The following ANK2 variants were observed in gnomAD, a reference collection of about 807,000 sequenced individuals.
ANK2 encodes the protein ankyrin-2.
A neutral mutation model predicts 360.5 loss-of-function variants in ANK2; 83 were observed. That is an observed-to-expected ratio of 0.23 (90% confidence interval 0.19 to 0.28). ANK2 has a LOEUF of 0.28. ANK2 is among the 10% of genes least tolerant of loss of function. The probability of loss-of-function intolerance (pLI) is 1.00; values close to 1 mark genes in which losing one functional copy is unlikely to be tolerated. For missense variants in ANK2, 4,201 were observed against 4,795.7 expected (o/e 0.88, Z 3.66); for synonymous variants, 1,740 against 1,759.5 (o/e 0.99, Z 0.28).
rs1375977442 is a variant in ANK2 at position 113,277,910 on chromosome 4, G to A, written c.1757G>A (p.Arg586His). The stretch of plus-strand genomic sequence containing the variant: ...GTGGCAAAACTTCTCTTGCAACGCC[G>A]TGCTGCCGCAGATTCTGCAGGGAAG... ...LDVAKLLLQR[R>H]AAADSAGKNG... The change falls in exon 16 of 46, where the codon CGT becomes CAT. Residue 586 changes from arginine (R) to histidine (H), a missense_variant. By Grantham distance (29) the Arg-to-His change is conservative (BLOSUM62 0). Coordinates refer to ENST00000357077, the MANE Select transcript of ANK2 (RefSeq NM_001148.6). 2.5e-6 allele frequency: 4 copies of A among 1,613,936 alleles called. No homozygotes were observed. Among genetic ancestry groups the A allele is most frequent in the Admixed American group, 1.7e-5 (1 of 60,020 alleles).
chr4:112,855,530 T>C (rs1284462276), intron 1 of ANK2, among the ~76,000 whole-genome samples: 1 of 152,202 alleles, frequency 6.6e-6, no homozygotes, highest in Non-Finnish European at 1.5e-5. Flanking sequence ...GAATACAGTC[T>C]TTTTCCCCCT....
chr4:112,878,062 C>T (rs960892963), intron 1 of ANK2, among the ~76,000 whole-genome samples: 1 of 152,094 alleles, frequency 6.6e-6, no homozygotes, highest in African/African-American at 2.4e-5. Flanking sequence ...GTTAGTCCCT[C>T]CAGGTTTACA....
the ANK2 span, among the ~76,000 whole-genome samples, chr4:112,807,494 CT>C: frequency 5.3e-5 from 8 of 152,214 alleles, no homozygotes; most frequent in African/African-American, 1.7e-4. Context: ...GGCAAAGGTT[CT>C]GGATGATGGT....
the ANK2 span, among the ~76,000 whole-genome samples, chr4:112,801,895 A>T: frequency 6.6e-6 from 1 of 152,066 alleles, no homozygotes; most frequent in Non-Finnish European, 1.5e-5. Context: ...TGGAAAGATA[A>T]CTCTAGCTAC....
chr4:113,150,797 G>A (rs933462055), intron 1 of ANK2, among the ~76,000 whole-genome samples: 1 of 152,104 alleles, frequency 6.6e-6, no homozygotes, highest in Non-Finnish European at 1.5e-5. Flanking sequence ...CTGGACATTT[G>A]TGGAACCCCC....
intron 2 of ANK2, among the ~76,000 whole-genome samples, chr4:113,194,521 T>C (rs1171602643): frequency 6.6e-6 from 1 of 152,204 alleles, no homozygotes; most frequent in Non-Finnish European, 1.5e-5. Context: ...TATTGCTTTA[T>C]AAAATTTGAT....
At chr4:113,169,302 CT>C (rs2097859835) in intron 1 of ANK2, among the ~76,000 whole-genome samples, 1 of 152,198 alleles carries the variant, frequency 6.6e-6, no homozygotes, top group Admixed American at 6.5e-5. Context: ...TGGATTTTAA[CT>C]TATCCTACAT....
At chr4:113,324,469 C>T (rs2088533679) in intron 26 of ANK2, among the ~76,000 whole-genome samples, 1 of 152,118 alleles carries the variant, frequency 6.6e-6, no homozygotes, top group Non-Finnish European at 1.5e-5. Context: ...AATTATCAGT[C>T]TACAAAAAAG....
At chr4:113,265,655 T>C (rs2153659962) in intron 14 of ANK2, among the ~76,000 whole-genome samples, 1 of 152,322 alleles carries the variant, frequency 6.6e-6, no homozygotes, top group South Asian at 2.1e-4. Flanking sequence ...AAATCTTACT[T>C]TCCAATTTAT....
At chr4:112,788,046 A>T in the ANK2 span, 2 of 1,054,800 alleles carry the variant, frequency 1.9e-6, no homozygotes, top group Non-Finnish European at 1.4e-6. Context: ...GTATTATTTT[A>T]ATTATTTTTA....
chr4:113,174,772 C>T (rs139910370), intron 2 of ANK2, among the ~76,000 whole-genome samples: 4 of 152,092 alleles, frequency 2.6e-5, no homozygotes, highest in Non-Finnish European at 5.9e-5. Context: ...ATTTGGGCCA[C>T]CTTTAGCTGG....
intron 1 of ANK2, among the ~76,000 whole-genome samples, chr4:113,130,543 GCA>G (rs1443847190): frequency 2.0e-5 from 3 of 152,158 alleles, no homozygotes; most frequent in Admixed American, 2.0e-4. Flanking sequence ...ACATACCTAA[GCA>G]GTATAGTGAC....
chr4:113,158,828 A>C (rs758524262), intron 1 of ANK2, among the ~76,000 whole-genome samples: 23 of 152,212 alleles, frequency 1.5e-4, no homozygotes, highest in Non-Finnish European at 2.9e-4. Flanking sequence ...GTTAATGAAC[A>C]AGATCTTTCT....
intron 24 of ANK2, among the ~76,000 whole-genome samples, chr4:113,314,994 G>A (rs956289364): frequency 2.6e-5 from 4 of 151,186 alleles, no homozygotes; most frequent in South Asian, 4.2e-4. Context: ...CACTCTCTGT[G>A]TACATATCCT....
At position 113,343,171 on chromosome 4, in the gene ANK2, AT is replaced by A. The variant is rs935114177; in HGVS notation, c.4248+36del. 8 of 1,609,964 alleles carry A rather than the reference AT, an allele frequency of 5.0e-6. No homozygotes were observed. The African/African-American group carries it at 6.7e-5, about 13-fold the overall frequency. On this transcript the variant is annotated intron_variant, in intron 34 of 45. Transcript: ENST00000357077. The stretch of plus-strand genomic sequence containing the variant: ...ATATATACATGGAATTTTGTGATGC[AT>A]TTTTTTCAAGATCAAGGCAGAATTT...
rs2095568001 is a variant in ANK2 at position 113,353,850 on chromosome 4, C to T, written c.5232C>T (p.Ala1744=). 5.0e-6 allele frequency: 8 copies of T among 1,613,898 alleles called. No homozygotes were observed. The highest frequency in any genetic ancestry group is 6.8e-6 in the Non-Finnish European group (8 of 1,179,964). Residue 1744 remains alanine, a synonymous_variant, in exon 38 of 46, where the codon GCC becomes GCT. Coordinates refer to ENST00000357077, the MANE Select transcript of ANK2 (RefSeq NM_001148.6). Reference sequence around the variant, plus strand: ...CATTAGGTGAAGACCCAGGTTTAGCCCCTGAACCCCTTCCCACTGTCAAGG... The same window carrying T: ...CATTAGGTGAAGACCCAGGTTTAGCTCCTGAACCCCTTCCCACTGTCAAGG... ...EESLGEDPGL[A]PEPLPTVKAT...
the ANK2 span, among the ~76,000 whole-genome samples, chr4:112,790,806 G>A: frequency 1.3e-5 from 2 of 152,034 alleles, no homozygotes; most frequent in East Asian, 1.9e-4. Context: ...CTTTCTTAAG[G>A]GGCTTCAAAG....
At chr4:112,941,982 A>G (rs1011659939) in intron 2 of ANK2, among the ~76,000 whole-genome samples, 2 of 151,784 alleles carry the variant, frequency 1.3e-5, no homozygotes, top group Admixed American at 1.3e-4. Flanking sequence ...GCTTAGAACA[A>G]TAGCTGGCAC....
intron 26 of ANK2, among the ~76,000 whole-genome samples, chr4:113,323,972 A>T (rs192228697): frequency 6.6e-6 from 1 of 152,142 alleles, no homozygotes; most frequent in South Asian, 2.1e-4. Flanking sequence ...TTTCTCTGTG[A>T]TGAAGAGAAA....
Sources: gnomAD v4.1 joint callset for allele counts (sites outside exome capture counted in the v4.1 genomes callset) on GRCh38, gnomAD v4.1.1 for gene constraint, MANE v1.5 for transcripts, NCBI Gene and HGNC (gene_info 2026-07-23, HGNC 2026-07-21) for gene names.